The following SATB1 variants were observed in gnomAD, a reference collection of about 807,000 sequenced individuals.
The protein encoded by SATB1 is SATB homeobox 1, also known as DNA-binding protein SATB1.
In SATB1, 11 loss-of-function variants were observed where a neutral mutation model predicts 86.9. The observed-to-expected ratio is 0.13, with a 90% CI of 0.08 to 0.21. The LOEUF is 0.21. SATB1 is among the 10% of genes least tolerant of loss of function. SATB1 has a pLI of 1.00. For missense variants in SATB1, 551 were observed against 937.6 expected, an observed-to-expected ratio of 0.59 and a Z score of 5.39; for synonymous variants, 357 against 357.2, an observed-to-expected ratio of 1.00 and a Z score of 0.01.
At chr3:18,359,564 C>T (rs547640494) in intron 9 of SATB1, among the ~76,000 whole-genome samples, 2 of 151,878 alleles carry the variant, frequency 1.3e-5, no homozygotes, top group African/African-American at 4.8e-5. Context: ...ATACGTCAAA[C>T]CTGCTTTTAG....
rs1160282900 is a variant in SATB1, at chr3:18,394,594, A to G, written c.1074T>C (p.Asn358=). 3.7e-6 allele frequency: 6 copies of G among 1,614,208 alleles called. No homozygotes were observed. Among genetic ancestry groups the G allele is most frequent in the African/African-American group, 1.3e-5 (1 of 75,054 alleles). The change falls in exon 7 of 11, where the codon AAT becomes AAC. Residue 358 remains asparagine (N), a synonymous_variant. Coordinates refer to ENST00000338745, the MANE Select transcript of SATB1 (RefSeq NM_002971.6). This position sits in a 1 kb window ranked among gnomAD's most constrained non-coding sequence, Gnocchi z 5.9. ...NHPPPVSRSM[N]KPLEQQVSTN... ...TCGAAACCTGTTGCTCCAAAGGCTT[A>G]TTCATAGATCTACTGACAGGGGGAG...
At chr3:18,406,696 T>C (rs1697554690) in intron 5 of SATB1, among the ~76,000 whole-genome samples, 1 of 152,024 alleles carries the variant, frequency 6.6e-6, no homozygotes, top group Non-Finnish European at 1.5e-5. Context: ...CATTATCAAA[T>C]ATACAAAAGC....
chr3:18,387,074 T>C (rs368115005), intron 7 of SATB1, among the ~76,000 whole-genome samples: 1 of 152,328 alleles, frequency 6.6e-6, no homozygotes, highest in East Asian at 1.9e-4. Context: ...TTTTAACATA[T>C]TAGAACAAAG....
chr3:18,349,081 A>G lies in SATB1; in HGVS notation c.*89T>C. The G allele has an allele frequency of 6.6e-7, 1 of 1,524,706 alleles. No individual in the cohort carries two copies. Among genetic ancestry groups the G allele is most frequent in the East Asian group, 2.3e-5 (1 of 44,294 alleles). The allele number at this position is 1,524,706 out of a possible 1,614,324, so 94.4% of individuals were successfully genotyped here. ...AGATTCATTGGCCAAACAATGAACA[A>G]CAAAGGTTTTCTGAGAGAAGACAAG... On this transcript the variant is annotated 3_prime_UTR_variant, in exon 11 of 11. Transcript: ENST00000338745. The surrounding 1 kb of genome is among the most constrained non-coding windows in gnomAD (Gnocchi z 5.5).
chr3:18,364,656 C>T (rs1286328568), intron 9 of SATB1, among the ~76,000 whole-genome samples: 1 of 151,808 alleles, frequency 6.6e-6, no homozygotes, highest in Non-Finnish European at 1.5e-5. Context: ...GTGACCCTTC[C>T]TCTTACCCCA....
At chr3:18,372,777 A>C (rs944238182) in intron 9 of SATB1, among the ~76,000 whole-genome samples, 1 of 152,234 alleles carries the variant, frequency 6.6e-6, no homozygotes, top group African/African-American at 2.4e-5. Context: ...TCAACTAGAA[A>C]TATAAAAATA....
At chr3:18,445,178 G>A in intron 1 of SATB1, 2 of 968,640 alleles carry the variant, frequency 2.1e-6, no homozygotes, top group Non-Finnish European at 2.4e-6. Context: ...GGGGCGGCCA[G>A]GGCCCGGCCC....
intron 2 of SATB1, among the ~76,000 whole-genome samples, chr3:18,435,433 C>T (rs1052549549): frequency 1.3e-5 from 2 of 152,084 alleles, no homozygotes; most frequent in African/African-American, 2.4e-5. Flanking sequence ...TTTTAATACC[C>T]GGCTCCTTTT....
At chr3:18,385,417 T>C (rs566587404) in intron 8 of SATB1, among the ~76,000 whole-genome samples, 155 of 152,188 alleles carry the variant, frequency 1.0e-3, no homozygotes, top group African/African-American at 3.6e-3. Flanking sequence ...GGTCAGGAGA[T>C]GGAGACCATC....
Position 18,394,348 on chromosome 3 carries a change from AAGAG to A in SATB1, c.1206+110_1206+113del. 1.1e-6 allele frequency: 1 copy of A among 871,792 alleles called. No individual in the cohort carries two copies. The highest frequency in any genetic ancestry group is 1.8e-6 in the Non-Finnish European group (1 of 550,078). The allele number at this position is 871,792 out of a possible 1,614,324, so 54.0% of individuals were successfully genotyped here. ...CAGGAATAGGTAATATGATCACATG[AAGAG>A]AGAGAGAAAATGTTAGTACAGAAGT... On this transcript the variant is annotated intron_variant, in intron 7 of 10. Transcript: ENST00000338745. The surrounding 1 kb of genome is among the most constrained non-coding windows in gnomAD (Gnocchi z 5.9).
intron 9 of SATB1, among the ~76,000 whole-genome samples, chr3:18,355,130 G>C (rs975876921): frequency 6.6e-6 from 1 of 151,992 alleles, no homozygotes; most frequent in Non-Finnish European, 1.5e-5. Flanking sequence ...GCTGGGAACT[G>C]TTTGCTCTAA....
chr3:18,409,281 G>A (rs1346883945), intron 5 of SATB1: 1 of 152,002 alleles, frequency 6.6e-6, no homozygotes, highest in Non-Finnish European at 1.5e-5. Flanking sequence ...GTTACAGAGA[G>A]CTAACATCAA....
At position 18,348,956 on chromosome 3, in the gene SATB1, G is replaced by T; in HGVS notation, c.*214C>A. 1.4e-6 allele frequency: 1 copy of T among 708,946 alleles called. No homozygotes were observed. Among genetic ancestry groups the T allele is most frequent in the Non-Finnish European group, 2.2e-6 (1 of 449,128 alleles). 43.9% of individuals were successfully genotyped at this position (708,946 alleles called of 1,614,324 possible). On this transcript the variant is annotated 3_prime_UTR_variant, in exon 11 of 11. Transcript: ENST00000338745. ...ATTTTAATACCAAACAATCCTTGAT[G>T]CTTCACCTGGGGCTGCCAAGCAGTT... is the stretch of plus-strand genomic sequence containing the variant.
rs1694121720 is a variant in SATB1, at chr3:18,347,601, A to T, written c.*1569T>A. 1.3e-5 allele frequency: 2 copies of T among 152,204 alleles called. No homozygotes were observed. Among genetic ancestry groups the T allele is most frequent in the African/African-American group, 4.8e-5 (2 of 41,440 alleles). 9.4% of individuals were successfully genotyped at this position (152,204 alleles called of 1,614,324 possible). On this transcript the variant is annotated 3_prime_UTR_variant, in exon 11 of 11. Transcript: ENST00000338745. ...TTTATACATTAGCTTAAGGAAAAGCATTGCTATAAATGAAGTATTGTGAAA... is the reference window on the plus strand; with the variant it reads ...TTTATACATTAGCTTAAGGAAAAGCTTTGCTATAAATGAAGTATTGTGAAA...
chr3:18,434,270 A>G (rs930789510), intron 2 of SATB1, among the ~76,000 whole-genome samples: 4 of 152,122 alleles, frequency 2.6e-5, no homozygotes, highest in African/African-American at 9.6e-5. Context: ...CCAAGTGTAA[A>G]TGTATCTTCA....
rs770245273 is a variant in SATB1 at position 18,420,767 on chromosome 3, G to A, written c.201C>T (p.Asn67=). 2.7e-5 allele frequency: 44 copies of A among 1,613,448 alleles called. 1 individual carries two copies. The South Asian group carries it at 4.5e-4, about 17-fold the overall frequency. Reference sequence around the variant, plus strand: ...CTTGAAGGTATTTACCTTTCCTAAGGTTGGTTTTCATCAGATGGCCCGAGT... The same window carrying A: ...CTTGAAGGTATTTACCTTTCCTAAGATTGGTTTTCATCAGATGGCCCGAGT... ...LKHSGHLMKT[N]LRKGTMLPVF... Residue 67 remains asparagine, a synonymous_variant, in exon 2 of 11, where the codon AAC becomes AAT. Transcript: ENST00000338745.
At chr3:18,381,696 T>C (rs751306892) in intron 8 of SATB1, among the ~76,000 whole-genome samples, 3 of 152,190 alleles carry the variant, frequency 2.0e-5, no homozygotes, top group Non-Finnish European at 4.4e-5. Context: ...CATTAATGTC[T>C]AATTTTTTAA....
At chr3:18,398,761 T>G (rs984461839) in intron 5 of SATB1, among the ~76,000 whole-genome samples, 22 of 152,140 alleles carry the variant, frequency 1.4e-4, no homozygotes, top group Non-Finnish European at 2.9e-4. Context: ...CATTTTCACA[T>G]TTTATATCTC....
intron 7 of SATB1, among the ~76,000 whole-genome samples, chr3:18,392,392 C>A (rs576873230): frequency 1.1e-4 from 17 of 152,056 alleles, no homozygotes; most frequent in Non-Finnish European, 2.4e-4. Flanking sequence ...ACATCATAAA[C>A]CCAAAAGGAG....
Sources: gnomAD v4.1 joint callset for allele counts (sites outside exome capture counted in the v4.1 genomes callset) on GRCh38, gnomAD v4.1.1 for gene constraint, Gnocchi (gnomAD v3.1) non-coding constraint, MANE v1.5 for transcripts, NCBI Gene and HGNC (gene_info 2026-07-23, HGNC 2026-07-21) for gene names.